NOL4: variants seen among roughly 807,000 people sequenced by gnomAD.
The protein encoded by NOL4 is cancer/testis antigen 125.
Under a neutral mutation model 75.9 loss-of-function variants are expected in NOL4, and 17 were observed. The observed-to-expected ratio is 0.22, with a 90% confidence interval of 0.15 to 0.34. The LOEUF is 0.34. Among genes scored for constraint, NOL4 ranks in the 10% least tolerant of loss-of-function variants. NOL4 has a pLI of 1.00. For missense variants in NOL4, 614 were observed against 793.5 expected, an observed-to-expected ratio of 0.77 and a Z score of 2.72; for synonymous variants, 292 against 289.9, an observed-to-expected ratio of 1.01 and a Z score of -0.07.
chr18:34,131,688 A>G (rs2080658210), intron 1 of NOL4, among the ~76,000 whole-genome samples: 1 of 152,070 alleles, frequency 6.6e-6, no homozygotes. Flanking sequence ...CCTTTAATTC[A>G]TTCACATGTT....
At chr18:34,210,338 C>CT (rs1201221384) in intron 1 of NOL4, among the ~76,000 whole-genome samples, 1 of 152,156 alleles carries the variant, frequency 6.6e-6, no homozygotes, top group Non-Finnish European at 1.5e-5. Context: ...TCGAAGTTCT[C>CT]TTTTTTTCCC....
intron 1 of NOL4, among the ~76,000 whole-genome samples, chr18:34,140,007 C>T (rs1022012308): frequency 1.3e-5 from 2 of 152,150 alleles, no homozygotes; most frequent in South Asian, 4.1e-4. Flanking sequence ...GTTTCTTAAT[C>T]CTGAGTTCTA....
chr18:34,008,680 A>G (rs1221934596), intron 6 of NOL4, among the ~76,000 whole-genome samples: 5 of 151,878 alleles, frequency 3.3e-5, no homozygotes, highest in Non-Finnish European at 5.9e-5. Flanking sequence ...AATCCTCCTT[A>G]ATCACCATAA....
At chr18:34,212,384 T>C (rs1261627593) in intron 1 of NOL4, among the ~76,000 whole-genome samples, 3 of 152,226 alleles carry the variant, frequency 2.0e-5, no homozygotes, top group African/African-American at 7.2e-5. Context: ...TTCAGCTGTA[T>C]CCTAAACCAC....
At chr18:33,871,976 T>G (rs1800951540) in intron 10 of NOL4, among the ~76,000 whole-genome samples, 1 of 152,090 alleles carries the variant, frequency 6.6e-6, no homozygotes, top group Admixed American at 6.6e-5. Context: ...CACACAATTT[T>G]ACTTTCAATT....
At chr18:33,941,319 T>C (rs370665982) in intron 9 of NOL4, among the ~76,000 whole-genome samples, 52 of 151,934 alleles carry the variant, frequency 3.4e-4, no homozygotes, top group African/African-American at 1.3e-3. Flanking sequence ...ATTTAATTTT[T>C]ATAACAACTC....
intron 6 of NOL4, among the ~76,000 whole-genome samples, chr18:33,985,953 GAATA>G (rs1302563602): frequency 6.6e-6 from 1 of 152,012 alleles, no homozygotes; most frequent in Non-Finnish European, 1.5e-5. Context: ...ATATGTAGAT[GAATA>G]AATAATCACT....
chr18:34,081,442 T>C (rs1358268244), intron 5 of NOL4, among the ~76,000 whole-genome samples: 1 of 152,150 alleles, frequency 6.6e-6, no homozygotes, highest in Non-Finnish European at 1.5e-5. Flanking sequence ...ATGTATGTTA[T>C]TTTAAGACAT....
chr18:33,964,535 A>G (rs1302286163), intron 6 of NOL4, among the ~76,000 whole-genome samples: 1 of 152,134 alleles, frequency 6.6e-6, no homozygotes, highest in Non-Finnish European at 1.5e-5. Flanking sequence ...GAAGATAGGA[A>G]GGAAGGAAGA....
At chr18:33,957,844 G>A (rs992683488) in intron 7 of NOL4, among the ~76,000 whole-genome samples, 3 of 152,216 alleles carry the variant, frequency 2.0e-5, no homozygotes, top group African/African-American at 4.8e-5. Context: ...TGATGAATAC[G>A]ACTGTTACAT....
chr18:34,065,656 A>C (rs1264740968), intron 5 of NOL4, among the ~76,000 whole-genome samples: 1 of 151,994 alleles, frequency 6.6e-6, no homozygotes, highest in Admixed American at 6.5e-5. Context: ...CAAAATGCAC[A>C]GAAATTGTAG....
chr18:34,220,762 G>A (rs1279341669), intron 1 of NOL4, among the ~76,000 whole-genome samples: 1 of 152,138 alleles, frequency 6.6e-6, no homozygotes, highest in Non-Finnish European at 1.5e-5. Context: ...AGGCTTGAAT[G>A]AAAAGCAGAG....
intron 1 of NOL4, among the ~76,000 whole-genome samples, chr18:34,150,508 A>C (rs999090059): frequency 1.3e-5 from 2 of 151,768 alleles, no homozygotes; most frequent in African/African-American, 2.4e-5. Context: ...TTTAACAAAC[A>C]TTGCAGAACA....
In NOL4 at chr18:34,080,416, T is replaced by C. The variant is rs183331355; in HGVS notation, c.772+13049A>G. 2.4e-3 allele frequency among the ~76,000 whole-genome samples: 368 copies of C among 152,308 alleles called. 3 individuals are homozygous for C. The highest frequency in any genetic ancestry group is 6.0e-4 in the Non-Finnish European group (41 of 68,032). On this transcript the variant is annotated intron_variant, in intron 5 of 10. Coordinates refer to ENST00000261592, the MANE Select transcript of NOL4 (RefSeq NM_003787.5). The stretch of plus-strand genomic sequence containing the variant: ...GTTCTGGCACATAGTAGGTGGTCAA[T>C]AACATTCTGTTGTAAATGACTTTAT...
intron 5 of NOL4, among the ~76,000 whole-genome samples, chr18:34,071,100 G>A (rs1242896366): frequency 6.6e-6 from 1 of 152,098 alleles, no homozygotes; most frequent in Non-Finnish European, 1.5e-5. Flanking sequence ...AAGATTCTGA[G>A]TGTTCTCACC....
At chr18:34,036,868 A>G (rs8099797) in intron 5 of NOL4, among the ~76,000 whole-genome samples, 128,819 of 152,198 alleles carry the variant, frequency 0.85, 54,596 homozygotes, top group East Asian at 0.97. Flanking sequence ...AGAGGTGGAG[A>G]TTGCAGTTAG....
intron 4 of NOL4, among the ~76,000 whole-genome samples, chr18:34,095,245 A>ATGTGTGTGTGTGTGTGTG (rs761927350): frequency 8.6e-4 from 81 of 94,332 alleles, no homozygotes; most frequent in Non-Finnish European, 4.3e-4. Context: ...CTAAATTCTA[A>ATGTGTGTGTGTGTGTGTG]TGTGTATGTG....
chr18:33,916,963 C>T (rs1475491794), intron 9 of NOL4, among the ~76,000 whole-genome samples: 1 of 152,116 alleles, frequency 6.6e-6, no homozygotes, highest in Non-Finnish European at 1.5e-5. Flanking sequence ...ACTATTTCTC[C>T]ATGAATTCAG....
At position 34,129,877 on chromosome 18, in the gene NOL4, G is replaced by A. The variant is rs779664141; in HGVS notation, c.408C>T (p.Tyr136=). ...IRKHAGQKRT[Y]KAISESYAFL... ...TTTTTCTTTTTTAACTTACTGCTTT[G>A]TAAGTTCTCTTTTGTCCAGCGTGTT... The change falls in exon 2 of 11, where the codon TAC becomes TAT. Residue 136 remains tyrosine (Y), a synonymous_variant. Coordinates refer to ENST00000261592, the MANE Select transcript of NOL4 (RefSeq NM_003787.5). The A allele has an allele frequency of 6.5e-7, 1 of 1,548,428 alleles. No homozygotes were observed. Among genetic ancestry groups the A allele is most frequent in the South Asian group, 1.3e-5 (1 of 79,334 alleles).
Sources: gnomAD v4.1 joint callset for allele counts (sites outside exome capture counted in the v4.1 genomes callset) on GRCh38, gnomAD v4.1.1 for gene constraint, MANE v1.5 for transcripts, NCBI Gene and HGNC (gene_info 2026-07-23, HGNC 2026-07-21) for gene names.